ZDHHC3: variants seen among roughly 807,000 people sequenced by gnomAD.
ZDHHC3 encodes palmitoyltransferase ZDHHC3.
Under a neutral mutation model 30.6 loss-of-function variants are expected in ZDHHC3, and 9 were observed. The ratio of observed to expected loss-of-function variants is 0.29; its 90% CI spans 0.18 to 0.51. The LOEUF (loss-of-function observed/expected upper bound fraction) is 0.51. Among genes scored for constraint, ZDHHC3 ranks in the 20% least tolerant of loss-of-function variants. The pLI is 0.97. For missense variants in ZDHHC3, 246 were observed against 384.2 expected, an observed-to-expected ratio of 0.64 and a Z score of 3.01; for synonymous variants, 136 against 140.2, an observed-to-expected ratio of 0.97 and a Z score of 0.21.
At position 44,934,972 on chromosome 3, in the gene ZDHHC3, A is replaced by G. The variant is rs73829695; in HGVS notation, c.432-988T>C. ...GTTCATTAATTTGCACATTTCTAAC[A>G]TTATTGGGATAATTTTTGGGCTGAG... On this transcript the variant is annotated intron_variant, in intron 3 of 6. Transcript: ENST00000424952. 6.2e-3 allele frequency among the ~76,000 whole-genome samples: 949 copies of G among 151,850 alleles called. 11 individuals are homozygous for G. The highest frequency in any genetic ancestry group is 0.022 in the African/African-American group (896 of 41,368).
At chr3:44,940,414 C>T (rs1702341493) in intron 3 of ZDHHC3, among the ~76,000 whole-genome samples, 3 of 152,180 alleles carry the variant, frequency 2.0e-5, no homozygotes, top group Admixed American at 2.0e-4. Context: ...TTTCTTCATT[C>T]TTTCCACTTG....
rs1575743572 is a variant in ZDHHC3 at position 44,918,533 on chromosome 3, T to G, written c.*8156A>C. 2.0e-6 allele frequency: 2 copies of G among 985,362 alleles called. No individual in the cohort carries two copies. Among genetic ancestry groups the G allele is most frequent in the Non-Finnish European group, 2.4e-6 (2 of 829,926 alleles). 61.0% of individuals were successfully genotyped at this position (985,362 alleles called of 1,614,324 possible). ...ATCCTCTGAGGCCACTACAAACTGG[T>G]GATCCCCTCCTAAATATTTTTGGCC... is the stretch of plus-strand genomic sequence containing the variant. On this transcript the variant is annotated 3_prime_UTR_variant, in exon 7 of 7. Transcript: ENST00000424952.
At chr3:44,966,113 A>G (rs1289584024) in intron 1 of ZDHHC3, among the ~76,000 whole-genome samples, 1 of 152,218 alleles carries the variant, frequency 6.6e-6, no homozygotes, top group Non-Finnish European at 1.5e-5. Flanking sequence ...AGATAAGGAT[A>G]ATCTATATAC....
At position 44,921,713 on chromosome 3, in the gene ZDHHC3, T is replaced by G. The variant is rs1003563183; in HGVS notation, c.*4976A>C. The stretch of plus-strand genomic sequence containing the variant: ...TTAGATTATCATTCCCGTTTTCAGA[T>G]GAAAAAACTGAGGCTTAAAGAAGTT... On this transcript the variant is annotated 3_prime_UTR_variant, in exon 7 of 7. Coordinates refer to ENST00000424952, the MANE Select transcript of ZDHHC3 (RefSeq NM_001135179.2). 2.1e-6 allele frequency: 2 copies of G among 963,048 alleles called. No individual in the cohort carries two copies. The highest frequency in any genetic ancestry group is 2.5e-6 in the Non-Finnish European group (2 of 809,640). 59.7% of individuals were successfully genotyped at this position (963,048 alleles called of 1,614,324 possible).
In ZDHHC3 at chr3:44,916,051, G is replaced by A. The variant is rs981636075; in HGVS notation, c.*10638C>T. ...AGTTAATGGCCTTTACAGCTGACTC[G>A]GGCTCCTATGTCGTCATTAATAAAT... is the stretch of plus-strand genomic sequence containing the variant. On this transcript the variant is annotated 3_prime_UTR_variant, in exon 7 of 7. Transcript: ENST00000424952. 5.3e-5 allele frequency: 8 copies of A among 152,146 alleles called. No individual in the cohort carries two copies. The highest frequency in any genetic ancestry group is 9.7e-5 in the African/African-American group (4 of 41,408). The allele number at this position is 152,146 out of a possible 1,614,324, so 9.4% of individuals were successfully genotyped here.
Position 44,930,062 on chromosome 3 carries a change from C to T in ZDHHC3, c.611-626G>A, listed in dbSNP as rs1311595437. ...ATTTGCAGCACCGAGGCCAACAGTG[C>T]CAAAGGCCAGGGAGTCGACCAAAGA... On this transcript the variant is annotated intron_variant, in intron 5 of 6. Transcript: ENST00000424952. Among the ~76,000 whole-genome samples, 5 of 152,324 alleles carry T rather than the reference C, an allele frequency of 3.3e-5. No homozygotes were observed. In the East Asian group the frequency reaches 5.8e-4, roughly 18 times the overall value.
In ZDHHC3 at chr3:44,917,671, G is replaced by A. The variant is rs1178945292; in HGVS notation, c.*9018C>T. The A allele has an allele frequency of 2.6e-6, 1 of 381,438 alleles. No homozygotes were observed. Among genetic ancestry groups the A allele is most frequent in the Non-Finnish European group, 4.9e-6 (1 of 205,262 alleles). 23.6% of individuals were successfully genotyped at this position (381,438 alleles called of 1,614,324 possible). On this transcript the variant is annotated 3_prime_UTR_variant, in exon 7 of 7. Transcript: ENST00000424952. ...TGCAGACTCTTCTTAGATGAACTCTGAGAAAGCCCCCATCCTCCTCTGATG... is the reference window on the plus strand; with the variant it reads ...TGCAGACTCTTCTTAGATGAACTCTAAGAAAGCCCCCATCCTCCTCTGATG...
chr3:44,941,069 G>T (rs1411450139), intron 3 of ZDHHC3, among the ~76,000 whole-genome samples: 1 of 152,118 alleles, frequency 6.6e-6, no homozygotes, highest in Non-Finnish European at 1.5e-5. Context: ...GCCCCCTTTA[G>T]CAAGGGTCAG....
At position 44,945,153 on chromosome 3, in the gene ZDHHC3, C is replaced by T. The variant is rs1360739497; in HGVS notation, c.431+15G>A. The T allele has an allele frequency of 6.8e-6, 11 of 1,613,336 alleles. No individual in the cohort carries two copies. The highest frequency in any genetic ancestry group is 9.3e-6 in the Non-Finnish European group (11 of 1,179,974). On this transcript the variant is annotated intron_variant, in intron 3 of 6. Coordinates refer to ENST00000424952, the MANE Select transcript of ZDHHC3 (RefSeq NM_001135179.2). Reference sequence around the variant, plus strand: ...ACAGTGGGAGAAGAGAGGAGGCGAGCCCCAGTGAGTGTACCTGCAGTGGTG... The same window carrying T: ...ACAGTGGGAGAAGAGAGGAGGCGAGTCCCAGTGAGTGTACCTGCAGTGGTG...
At chr3:44,958,604 C>T (rs943854916) in intron 2 of ZDHHC3, 31 of 1,536,050 alleles carry the variant, frequency 2.0e-5, no homozygotes, top group Admixed American at 7.8e-5. Flanking sequence ...GCACTTGCTG[C>T]GGCCTGAAAC....
chr3:44,949,556 A>G (rs1703251739), intron 2 of ZDHHC3, among the ~76,000 whole-genome samples: 1 of 152,242 alleles, frequency 6.6e-6, no homozygotes, highest in Admixed American at 6.5e-5. Context: ...CATTAAAAAC[A>G]AGCAAAACAA....
Position 44,921,137 on chromosome 3 carries a change from G to T in ZDHHC3, c.*5552C>A. On this transcript the variant is annotated 3_prime_UTR_variant, in exon 7 of 7. Coordinates refer to ENST00000424952, the MANE Select transcript of ZDHHC3 (RefSeq NM_001135179.2). ...TTGCAGGGTGTGTGATGGGCCTTTT[G>T]GCCCAGGTCAGTCTGGGTGACACAT... The T allele has an allele frequency of 2.0e-6, 2 of 985,418 alleles. No homozygotes were observed. The highest frequency in any genetic ancestry group is 9.4e-5 in the South Asian group (2 of 21,280). The allele number at this position is 985,418 out of a possible 1,614,324, so 61.0% of individuals were successfully genotyped here.
At chr3:44,948,505 G>A (rs966647859) in intron 2 of ZDHHC3, among the ~76,000 whole-genome samples, 1 of 152,190 alleles carries the variant, frequency 6.6e-6, no homozygotes, top group African/African-American at 2.4e-5. Flanking sequence ...CGAACACTGT[G>A]GGAAGTACAA....
chr3:44,951,046 G>A (rs1347603524), intron 2 of ZDHHC3, among the ~76,000 whole-genome samples: 1 of 152,094 alleles, frequency 6.6e-6, no homozygotes, highest in East Asian at 1.9e-4. Context: ...ATGAAAAAGT[G>A]GAAAAGGAAA....
intron 2 of ZDHHC3, among the ~76,000 whole-genome samples, chr3:44,953,483 A>C (rs573158147): frequency 6.6e-6 from 1 of 152,186 alleles, no homozygotes; most frequent in Non-Finnish European, 1.5e-5. Flanking sequence ...GTTCTAAAGA[A>C]ATGCCAATAA....
In ZDHHC3 at chr3:44,926,318, G is replaced by C; in HGVS notation, c.*371C>G. On this transcript the variant is annotated 3_prime_UTR_variant, in exon 7 of 7. Transcript: ENST00000424952. ...CTTTCCCATGCATCCCCCACCAGGT[G>C]TCCAGACTATTCCATCCACGCACAG... The C allele has an allele frequency of 2.0e-6, 2 of 995,056 alleles. No individual in the cohort carries two copies. Among genetic ancestry groups the C allele is most frequent in the Non-Finnish European group, 2.4e-6 (2 of 836,612 alleles). 61.6% of individuals were successfully genotyped at this position (995,056 alleles called of 1,614,324 possible).
At chr3:44,931,928 G>C (rs1320868222) in intron 5 of ZDHHC3, among the ~76,000 whole-genome samples, 1 of 152,134 alleles carries the variant, frequency 6.6e-6, no homozygotes, top group Non-Finnish European at 1.5e-5. Flanking sequence ...AAAGCCCTTT[G>C]GGCCATTCCT....
At chr3:44,956,527 G>A (rs1703971421) in intron 2 of ZDHHC3, among the ~76,000 whole-genome samples, 1 of 152,184 alleles carries the variant, frequency 6.6e-6, no homozygotes, top group African/African-American at 2.4e-5. Flanking sequence ...GGGAAACGTG[G>A]GAGCTCTAAA....
chr3:44,969,136 G>C (rs1705200345), intron 1 of ZDHHC3, among the ~76,000 whole-genome samples: 1 of 152,210 alleles, frequency 6.6e-6, no homozygotes, highest in Non-Finnish European at 1.5e-5. Flanking sequence ...TACTCTCATA[G>C]TTTGTGAACC....
Sources: allele counts gnomAD v4.1 joint callset (sites outside exome capture counted in the v4.1 genomes callset), GRCh38; gene constraint gnomAD v4.1.1; transcripts MANE v1.5; gene names NCBI Gene and HGNC (gene_info 2026-07-23, HGNC 2026-07-21).